Variants in DHRSX observed in about 807,000 individuals in gnomAD.
DHRSX encodes the protein polyprenol dehydrogenase.
In DHRSX, 31 loss-of-function variants were observed where a neutral mutation model predicts 34.0. The observed-to-expected ratio is 0.91, with a 90% CI of 0.69 to 1.23. The LOEUF is 1.23. DHRSX is among the 50% of genes most tolerant of loss of function. The pLI is 0.00. For synonymous variants in DHRSX, 201 were observed against 183.8 expected, an observed-to-expected ratio of 1.09 and a Z score of -0.76; for missense variants, 414 against 428.1, an observed-to-expected ratio of 0.97 and a Z score of 0.29.
chrX:2,315,745 G>A (rs1344949267), intron 3 of DHRSX, among the ~76,000 whole-genome samples: 1 of 152,120 alleles, frequency 6.6e-6, no homozygotes, highest in African/African-American at 2.4e-5. Flanking sequence ...AGTCTCACAA[G>A]GCTGGAATTA....
At chrX:2,324,735 G>T (rs1036222266) in intron 3 of DHRSX, among the ~76,000 whole-genome samples, 1 of 151,612 alleles carries the variant, frequency 6.6e-6, no homozygotes, top group African/African-American at 2.4e-5. Context: ...AGACAGTAAG[G>T]GTATGGGAGT....
intron 3 of DHRSX, among the ~76,000 whole-genome samples, chrX:2,330,787 A>G (rs1388526537): frequency 2.0e-5 from 3 of 151,426 alleles, no homozygotes; most frequent in African/African-American, 4.9e-5. Flanking sequence ...AGAATAAGAG[A>G]ATGAGAAAGA....
At position 2,473,371 on chromosome X, in the gene DHRSX, C is replaced by T. The variant is rs772735927; in HGVS notation, c.109+27446G>A. Among the ~76,000 whole-genome samples, 318 of 152,286 alleles carry T rather than the reference C, an allele frequency of 2.1e-3. 3 individuals are homozygous for T. The highest frequency in any genetic ancestry group is 0.014 in the Middle Eastern group (4 of 294). On this transcript the variant is annotated intron_variant, in intron 1 of 6. Transcript: ENST00000334651. ...AGGCGCGGGGGCTCACGCCTGTCAT[C>T]CTAACATTTTGGGAGGCCGAGGCGG... is the stretch of plus-strand genomic sequence containing the variant.
At chrX:2,380,953 C>T (rs2043195271) in intron 3 of DHRSX, among the ~76,000 whole-genome samples, 1 of 151,826 alleles carries the variant, frequency 6.6e-6, no homozygotes, top group Non-Finnish European at 1.5e-5. Flanking sequence ...CAACCTCCGC[C>T]TCCGAGGTTC....
intron 3 of DHRSX, among the ~76,000 whole-genome samples, chrX:2,304,415 C>G (rs973044475): frequency 1.5e-4 from 23 of 151,958 alleles, no homozygotes; most frequent in Non-Finnish European, 3.2e-4. Flanking sequence ...GATCTGTGTC[C>G]TCATTCAAAT....
At chrX:2,390,385 G>A (rs1276720309) in intron 3 of DHRSX, among the ~76,000 whole-genome samples, 2 of 151,330 alleles carry the variant, frequency 1.3e-5, no homozygotes, top group African/African-American at 4.9e-5. Context: ...TGATCCACCC[G>A]CCTCGGCCTC....
intron 6 of DHRSX, among the ~76,000 whole-genome samples, chrX:2,236,910 T>G (rs1277776085): frequency 6.7e-6 from 1 of 148,178 alleles, no homozygotes; most frequent in African/African-American, 2.5e-5. Context: ...ATGGGGGGGC[T>G]GGGTAGGGTG....
At chrX:2,335,516 C>T (rs1438661399) in intron 3 of DHRSX, among the ~76,000 whole-genome samples, 2 of 151,458 alleles carry the variant, frequency 1.3e-5, no homozygotes, top group Non-Finnish European at 2.9e-5. Context: ...AGTGGCGCGA[C>T]CTCGGCTCAC....
chrX:2,490,636 A>G (rs766597584), intron 1 of DHRSX: 1 of 1,613,902 alleles, frequency 6.2e-7, no homozygotes, highest in Non-Finnish European at 8.5e-7. Flanking sequence ...CGAAGCCGAA[A>G]TACTTCCACA....
intron 6 of DHRSX, among the ~76,000 whole-genome samples, chrX:2,239,993 G>A (rs1363887047): frequency 6.6e-6 from 1 of 151,744 alleles, no homozygotes; most frequent in East Asian, 1.9e-4. Context: ...AAAGCAAACT[G>A]CAAAATAAGG....
chrX:2,287,294 C>T (rs1377402385), intron 4 of DHRSX, among the ~76,000 whole-genome samples: 2 of 152,094 alleles, frequency 1.3e-5, no homozygotes, highest in African/African-American at 4.8e-5. Context: ...ACAATAATGG[C>T]CCCAAAGATG....
intron 2 of DHRSX, among the ~76,000 whole-genome samples, chrX:2,414,222 C>G (rs1418524430): frequency 2.0e-5 from 3 of 151,908 alleles, no homozygotes; most frequent in Non-Finnish European, 4.4e-5. Context: ...TCATGACCAA[C>G]CCAACTATAC....
chrX:2,363,475 T>A (rs1441762759), intron 3 of DHRSX, among the ~76,000 whole-genome samples: 8 of 146,564 alleles, frequency 5.5e-5, no homozygotes, highest in African/African-American at 2.1e-4. Context: ...TTCTATGGTA[T>A]CATGCCGCCA....
chrX:2,292,692 A>C, intron 3 of DHRSX, among the ~76,000 whole-genome samples: 1 of 152,324 alleles, frequency 6.6e-6, no homozygotes, highest in South Asian at 2.1e-4. Context: ...ATTTTGTTAC[A>C]GGGCATATGT....
intron 3 of DHRSX, among the ~76,000 whole-genome samples, chrX:2,398,070 G>A (rs1368010766): frequency 6.6e-6 from 1 of 151,660 alleles, no homozygotes; most frequent in Non-Finnish European, 1.5e-5. Context: ...TCTGGAGAAG[G>A]ATTACACAAA....
At chrX:2,240,030 C>T (rs1000596273) in intron 6 of DHRSX, among the ~76,000 whole-genome samples, 1 of 151,814 alleles carries the variant, frequency 6.6e-6, no homozygotes, top group East Asian at 1.9e-4. Context: ...CGGTGGCTCA[C>T]GCCTGTAATC....
chrX:2,347,058 AT>A (rs1459944848), intron 3 of DHRSX, among the ~76,000 whole-genome samples: 3 of 152,298 alleles, frequency 2.0e-5, no homozygotes, highest in South Asian at 2.1e-4. Flanking sequence ...GTCAAATAGT[AT>A]TTGATATAGA....
At chrX:2,451,881 G>A (rs182019140) in intron 1 of DHRSX, among the ~76,000 whole-genome samples, 1 of 151,944 alleles carries the variant, frequency 6.6e-6, no homozygotes, top group Non-Finnish European at 1.5e-5. Flanking sequence ...CCCTAAGAAT[G>A]CAACTAAAAG....
intron 3 of DHRSX, among the ~76,000 whole-genome samples, chrX:2,351,558 G>A (rs1196851622): frequency 2.0e-5 from 3 of 152,180 alleles, no homozygotes; most frequent in East Asian, 3.8e-4. Flanking sequence ...ACAGTGAAAG[G>A]CCAGTGTGCT....
Sources: allele counts gnomAD v4.1 joint callset (sites outside exome capture counted in the v4.1 genomes callset), GRCh38; gene constraint gnomAD v4.1.1; transcripts MANE v1.5; gene names NCBI Gene and HGNC (gene_info 2026-07-23, HGNC 2026-07-21).